Variants in PSTPIP2 observed in about 807,000 individuals in gnomAD.
PSTPIP2 encodes the protein proline-serine-threonine phosphatase interacting protein 2.
PSTPIP2 carries 33 observed loss-of-function variants against 63.3 expected under a neutral mutation model. The ratio of observed to expected loss-of-function variants is 0.52; its 90% CI spans 0.40 to 0.70. PSTPIP2 has a LOEUF of 0.70. PSTPIP2 is among the 30% of genes least tolerant of loss of function. PSTPIP2 has a pLI of 0.00. For synonymous variants in PSTPIP2, 125 were observed against 132.7 expected, an observed-to-expected ratio of 0.94 and a Z score of 0.40; for missense variants, 312 against 400.7, an observed-to-expected ratio of 0.78 and a Z score of 1.89.
intron 14 of PSTPIP2, 94 bp downstream of exon 14, chr18:45,988,608 T>C (rs2144055447): frequency 3.6e-6 from 4 of 1,102,064 alleles, no homozygotes; most frequent in Non-Finnish European, 5.5e-6. Flanking sequence ...GCCTTGCTAG[T>C]TTGTGGTAGT....
chr18:46,003,445 G>A (rs1337707708), intron 6 of PSTPIP2, among the ~76,000 whole-genome samples: 1 of 152,172 alleles, frequency 6.6e-6, no homozygotes, highest in Non-Finnish European at 1.5e-5. Context: ...GTGTGGAGGT[G>A]GGTCCCCAGG....
Position 46,030,090 on chromosome 18 carries a change from C to T in PSTPIP2, c.135-5404G>A, listed in dbSNP as rs539082046. On this transcript the variant is annotated intron_variant, in intron 2 of 14. Transcript: ENST00000409746. ...GATTGCACCATTGCACTCCAGCCTC[C>T]GTGACAAGAACAAGACTCCGACTCA... Among the ~76,000 whole-genome samples the T allele has an allele frequency of 3.3e-5, 5 of 150,030 alleles. No individual in the cohort carries two copies. The South Asian group carries it at 1.1e-3, about 32-fold the overall frequency.
chr18:46,032,734 A>C (rs190668323), intron 2 of PSTPIP2, among the ~76,000 whole-genome samples: 165 of 149,932 alleles, frequency 1.1e-3, no homozygotes, highest in African/African-American at 3.5e-3. Flanking sequence ...AGCTTAGGCA[A>C]TAAGAGCAAA....
chr18:46,039,300 C>T (rs1015014806), intron 2 of PSTPIP2, among the ~76,000 whole-genome samples: 1 of 152,114 alleles, frequency 6.6e-6, no homozygotes. Flanking sequence ...CTAAACCATG[C>T]CAGTTCCCCA....
Position 46,066,198 on chromosome 18 carries a change from G to T in PSTPIP2, c.33+5958C>A, listed in dbSNP as rs542418667. Among the ~76,000 whole-genome samples the T allele has an allele frequency of 2.5e-3, 386 of 152,140 alleles. 3 individuals are homozygous for T. Among genetic ancestry groups the T allele is most frequent in the African/African-American group, 8.9e-3 (369 of 41,500 alleles). On this transcript the variant is annotated intron_variant, in intron 1 of 14. Coordinates refer to ENST00000409746, the MANE Select transcript of PSTPIP2 (RefSeq NM_024430.4). ...CTACAAAAAATACAAAAATTAACCAGGCGTGGTGGCATGTGCCTGCGGTTC... is the reference window on the plus strand; with the variant it reads ...CTACAAAAAATACAAAAATTAACCATGCGTGGTGGCATGTGCCTGCGGTTC...
intron 1 of PSTPIP2, among the ~76,000 whole-genome samples, chr18:46,044,082 C>T (rs952529184): frequency 1.3e-5 from 2 of 151,956 alleles, no homozygotes; most frequent in Non-Finnish European, 2.9e-5. Context: ...TCTATAGATC[C>T]AAAACAATCC....
chr18:45,995,170 A>G (rs2051580906), intron 9 of PSTPIP2, among the ~76,000 whole-genome samples: 1 of 152,172 alleles, frequency 6.6e-6, no homozygotes, highest in Non-Finnish European at 1.5e-5. Flanking sequence ...GCTGGAGAGC[A>G]GTGGTGCGCT....
intron 2 of PSTPIP2, 79 bp downstream of exon 2, chr18:46,039,868 G>GA (rs1568226002): frequency 3.9e-6 from 5 of 1,267,968 alleles, no homozygotes; most frequent in Non-Finnish European, 5.7e-6. Context: ...AAACACAAAT[G>GA]AAAAAAAGGA....
chr18:46,013,211 C>T (rs7242215), intron 4 of PSTPIP2, among the ~76,000 whole-genome samples: 16,718 of 152,170 alleles, frequency 0.11, 1,159 homozygotes, highest in African/African-American at 0.19. Flanking sequence ...TACTTGGCCT[C>T]ACAGTGCATA....
intron 2 of PSTPIP2, among the ~76,000 whole-genome samples, chr18:46,030,802 G>A (rs557162491): frequency 1.3e-5 from 2 of 152,284 alleles, no homozygotes; most frequent in East Asian, 1.9e-4. Flanking sequence ...CTGGTATAAC[G>A]AATGTTCTTA....
chr18:46,029,843 G>T, intron 2 of PSTPIP2: 2 of 408,652 alleles, frequency 4.9e-6, no homozygotes, highest in South Asian at 2.2e-5. Context: ...GGCTGGGCGC[G>T]GTGGCTCACA....
intron 2 of PSTPIP2, among the ~76,000 whole-genome samples, chr18:46,038,552 C>T (rs1599733368): frequency 6.6e-6 from 1 of 152,228 alleles, no homozygotes; most frequent in Admixed American, 6.5e-5. Flanking sequence ...GCTCATGAAA[C>T]TCTTTGTCCT....
chr18:46,032,753 TCA>T (rs1491436604), intron 2 of PSTPIP2, among the ~76,000 whole-genome samples: 101 of 39,700 alleles, frequency 2.5e-3, no homozygotes, highest in African/African-American at 0.017. Context: ...AAACTCTGTG[TCA>T]AAAAAAAAAA....
chr18:46,063,150 T>A (rs1909049485), intron 1 of PSTPIP2, among the ~76,000 whole-genome samples: 1 of 152,130 alleles, frequency 6.6e-6, no homozygotes, highest in Non-Finnish European at 1.5e-5. Flanking sequence ...CTGCAGGTAC[T>A]GGCCACCATG....
chr18:46,062,494 A>C lies in PSTPIP2; in HGVS notation c.33+9662T>G, dbSNP rs1041077975. ...CATCTCTACTAAAAAGAAAAAGAAAAAGAAAAAGAAAAAGAAACTTGCCCC... is the reference window on the plus strand; with the variant it reads ...CATCTCTACTAAAAAGAAAAAGAAACAGAAAAAGAAAAAGAAACTTGCCCC... On this transcript the variant is annotated intron_variant, in intron 1 of 14. Transcript: ENST00000409746. Among the ~76,000 whole-genome samples, 4 of 152,000 alleles carry C rather than the reference A, an allele frequency of 2.6e-5. No homozygotes were observed. The East Asian group carries it at 5.8e-4, about 22-fold the overall frequency.
chr18:46,071,304 A>G (rs9783886), intron 1 of PSTPIP2, among the ~76,000 whole-genome samples: 58,315 of 151,742 alleles, frequency 0.38, 11,527 homozygotes, highest in Middle Eastern at 0.53. Context: ...TGAGGTTTGC[A>G]GCCTCCTGCT....
chr18:46,004,859 G>A (rs1310725460), intron 6 of PSTPIP2, among the ~76,000 whole-genome samples: 1 of 152,162 alleles, frequency 6.6e-6, no homozygotes. Flanking sequence ...CCATTACTGG[G>A]TATACACCCA....
intron 2 of PSTPIP2, among the ~76,000 whole-genome samples, chr18:46,036,963 T>C (rs1437647856): frequency 6.6e-6 from 1 of 152,186 alleles, no homozygotes; most frequent in African/African-American, 2.4e-5. Flanking sequence ...GTGGTATAAA[T>C]GTATGTGTAT....
At chr18:46,052,022 G>A (rs755541560) in intron 1 of PSTPIP2, among the ~76,000 whole-genome samples, 13 of 152,218 alleles carry the variant, frequency 8.5e-5, no homozygotes, top group African/African-American at 1.2e-4. Context: ...AGACAGGAGC[G>A]GGGAGGCAGG....
Sources: gnomAD v4.1 joint callset for allele counts (sites outside exome capture counted in the v4.1 genomes callset) on GRCh38, gnomAD v4.1.1 for gene constraint, MANE v1.5 for transcripts, NCBI Gene and HGNC (gene_info 2026-07-23, HGNC 2026-07-21) for gene names.